The following KCNJ6 variants were observed in gnomAD, a reference collection of about 807,000 sequenced individuals.
KCNJ6 encodes the protein potassium inwardly rectifying channel subfamily J member 6.
KCNJ6 carries 9 observed loss-of-function variants against 34.2 expected under a neutral mutation model. The observed-to-expected ratio is 0.26, with a 90% CI of 0.16 to 0.46. KCNJ6 has a LOEUF of 0.46. Among genes scored for constraint, KCNJ6 ranks in the 20% least tolerant of loss-of-function variants. The pLI is 1.00. For synonymous variants in KCNJ6, 196 were observed against 207.1 expected (o/e 0.95, Z 0.46); for missense variants, 236 against 531.3 (o/e 0.44, Z 5.46).
At chr21:37,728,440 TTA>T (rs2054866602) in intron 2 of KCNJ6, among the ~76,000 whole-genome samples, 1 of 152,186 alleles carries the variant, frequency 6.6e-6, no homozygotes. Context: ...ATGATAAATT[TTA>T]TGTTAGGTAT....
intron 2 of KCNJ6, among the ~76,000 whole-genome samples, chr21:37,790,339 G>C (rs1229351117): frequency 1.3e-5 from 2 of 152,170 alleles, no homozygotes; most frequent in East Asian, 1.9e-4. Flanking sequence ...CAGGCAGTAG[G>C]GGGGCATCTG....
chr21:37,625,255 A>C lies in KCNJ6; in HGVS notation c.1176T>G (p.His392Gln), dbSNP rs748015622. Reference protein sequence around the residue: ...SWSVSSKLNQHAELETEEEEK... With the variant: ...SWSVSSKLNQQAELETEEEEK... ...CTTCCTCTTCAGTCTCCAGTTCTGC[A>C]TGTTGGTTGAGTTTGCTGGATACAG... is the stretch of plus-strand genomic sequence containing the variant. Residue 392 changes from histidine (H) to glutamine (Q), a missense_variant, in exon 4 of 4, where the codon CAT (histidine) becomes CAG (glutamine). Coordinates refer to ENST00000609713, the MANE Select transcript of KCNJ6 (RefSeq NM_002240.5). 1.9e-6 allele frequency: 3 copies of C among 1,613,970 alleles called. No homozygotes were observed. The highest frequency in any genetic ancestry group is 2.7e-5 in the African/African-American group (2 of 74,882).
rs1316395460 is a variant in KCNJ6 at position 37,623,742 on chromosome 21, C to T, written c.*1417G>A. ...TTTGATTTCTAGCCTGTGGCATACT[C>T]TAGAGACATTTCTTAGACAATCATC... On this transcript the variant is annotated 3_prime_UTR_variant, in exon 4 of 4. Coordinates refer to ENST00000609713, the MANE Select transcript of KCNJ6 (RefSeq NM_002240.5). 1 of 152,076 alleles carries T rather than the reference C, an allele frequency of 6.6e-6. No individual in the cohort carries two copies. The highest frequency in any genetic ancestry group is 1.5e-5 in the Non-Finnish European group (1 of 68,026). The allele number at this position is 152,076 out of a possible 1,614,324, so 9.4% of individuals were successfully genotyped here. A position where few individuals can be genotyped will look rare whatever the true frequency, so the allele number is the denominator to read the frequency against.
At chr21:37,682,046 C>T (rs544252124) in intron 3 of KCNJ6, among the ~76,000 whole-genome samples, 6 of 152,328 alleles carry the variant, frequency 3.9e-5, no homozygotes, top group Middle Eastern at 6.8e-3. Flanking sequence ...TTCTTTCATT[C>T]CACAAATGTT....
chr21:37,751,281 C>T lies in KCNJ6; in HGVS notation c.26-36150G>A, dbSNP rs989790950. Among the ~76,000 whole-genome samples, 9 of 152,144 alleles carry T rather than the reference C, an allele frequency of 5.9e-5. No individual in the cohort carries two copies. In the South Asian group the frequency reaches 6.2e-4, roughly 11 times the overall value. On this transcript the variant is annotated intron_variant, in intron 2 of 3. Coordinates refer to ENST00000609713, the MANE Select transcript of KCNJ6 (RefSeq NM_002240.5). ...AATATTTTATGCCTAAAATAATTCA[C>T]GATGTGGCTGTAGCATGCACTGCCC... is the stretch of plus-strand genomic sequence containing the variant.
intron 2 of KCNJ6, among the ~76,000 whole-genome samples, chr21:37,795,153 TA>T (rs1281843382): frequency 6.6e-6 from 1 of 152,210 alleles, no homozygotes; most frequent in African/African-American, 2.4e-5. Flanking sequence ...ATACTTAGCC[TA>T]AACTAAAGAA....
chr21:37,775,666 T>A (rs1158720964), intron 2 of KCNJ6, among the ~76,000 whole-genome samples: 1 of 151,948 alleles, frequency 6.6e-6, no homozygotes, highest in African/African-American at 2.4e-5. Context: ...GTTGTAGATA[T>A]GTGGCATTAT....
intron 1 of KCNJ6, among the ~76,000 whole-genome samples, chr21:37,908,939 A>G (rs528604328): frequency 6.6e-6 from 1 of 152,346 alleles, no homozygotes; most frequent in Admixed American, 6.5e-5. Context: ...CCTCCTGGAT[A>G]TAGAGCTGAA....
At chr21:37,897,161 A>C (rs568492966) in intron 1 of KCNJ6, among the ~76,000 whole-genome samples, 2 of 152,216 alleles carry the variant, frequency 1.3e-5, no homozygotes, top group African/African-American at 4.8e-5. Context: ...CCATTCTACA[A>C]GGCCACTTTG....
chr21:37,704,680 C>CATT (rs2054710117), intron 3 of KCNJ6, among the ~76,000 whole-genome samples: 1 of 151,820 alleles, frequency 6.6e-6, no homozygotes. Flanking sequence ...TCATCATCAT[C>CATT]ATCATCTCCA....
intron 3 of KCNJ6, among the ~76,000 whole-genome samples, chr21:37,644,535 T>C (rs1369189793): frequency 6.6e-6 from 1 of 152,154 alleles, no homozygotes; most frequent in Admixed American, 6.5e-5. Flanking sequence ...AATTTACTTG[T>C]TGGAAGGAAA....
chr21:37,856,393 T>C (rs766288464), intron 1 of KCNJ6, among the ~76,000 whole-genome samples: 5 of 152,182 alleles, frequency 3.3e-5, no homozygotes, highest in South Asian at 4.1e-4. Flanking sequence ...CTCCTTGCTG[T>C]TCATTTCTCA....
intron 1 of KCNJ6, among the ~76,000 whole-genome samples, chr21:37,891,755 A>T (rs2055763394): frequency 6.6e-6 from 1 of 152,168 alleles, no homozygotes; most frequent in South Asian, 2.1e-4. Context: ...CCAAGTGCCA[A>T]AGTCGATCAT....
intron 2 of KCNJ6, among the ~76,000 whole-genome samples, chr21:37,791,900 C>A (rs2055218578): frequency 6.6e-6 from 1 of 152,160 alleles, no homozygotes; most frequent in Non-Finnish European, 1.5e-5. Context: ...TATCCATCAC[C>A]ATAAATATTT....
chr21:37,859,487 T>TTATATATATATA (rs55859652), intron 1 of KCNJ6, among the ~76,000 whole-genome samples: 112 of 84,200 alleles, frequency 1.3e-3, no homozygotes, highest in Non-Finnish European at 1.6e-3. Flanking sequence ...TTATATTACT[T>TTATATATATATA]TATATATATA....
intron 2 of KCNJ6, among the ~76,000 whole-genome samples, chr21:37,806,905 C>T (rs568174026): frequency 4.7e-4 from 72 of 152,084 alleles, no homozygotes; most frequent in African/African-American, 1.6e-3. Context: ...ACTGATAAAC[C>T]TTCTGTAAAG....
chr21:37,865,458 G>A (rs1279038219), intron 1 of KCNJ6, among the ~76,000 whole-genome samples: 1 of 152,260 alleles, frequency 6.6e-6, no homozygotes, highest in African/African-American at 2.4e-5. Flanking sequence ...ACTGGCTGGA[G>A]GGGGAGGCAG....
chr21:37,905,052 C>A (rs145011120), intron 1 of KCNJ6, among the ~76,000 whole-genome samples: 15 of 152,218 alleles, frequency 9.9e-5, no homozygotes, highest in Admixed American at 7.8e-4. Flanking sequence ...CAGCCACGTG[C>A]GCTCCCTCTG....
intron 3 of KCNJ6, among the ~76,000 whole-genome samples, chr21:37,707,977 C>T (rs999351600): frequency 6.6e-6 from 1 of 152,066 alleles, no homozygotes; most frequent in Non-Finnish European, 1.5e-5. Flanking sequence ...TGGGTCTGAG[C>T]TAAATTTAGA....
Sources: allele counts gnomAD v4.1 joint callset (sites outside exome capture counted in the v4.1 genomes callset), GRCh38; gene constraint gnomAD v4.1.1; transcripts MANE v1.5; gene names NCBI Gene and HGNC (gene_info 2026-07-23, HGNC 2026-07-21).